UBE2D3: variants seen among roughly 807,000 people sequenced by gnomAD.
UBE2D3 encodes ubiquitin-conjugating enzyme E2 D3.
A neutral mutation model predicts 22.8 loss-of-function variants in UBE2D3; 2 were observed. The ratio of observed to expected loss-of-function variants is 0.09; its 90% CI spans 0.04 to 0.28. The LOEUF (loss-of-function observed/expected upper bound fraction) is 0.28, where lower values mean the gene tolerates loss of function less well. UBE2D3 is among the 10% of genes least tolerant of loss of function. The probability of loss-of-function intolerance (pLI) is 1.00; values close to 1 mark genes in which losing one functional copy is unlikely to be tolerated. For missense variants in UBE2D3, 27 were observed against 182.5 expected, an observed-to-expected ratio of 0.15 and a Z score of 4.91; for synonymous variants, 56 against 60.4, an observed-to-expected ratio of 0.93 and a Z score of 0.34.
chr4:102,794,729 T>C lies in UBE2D3; in HGVS notation c.*2686A>G, dbSNP rs1301613512. ...GAGACCACTAGTTAACTGTGGTTCA[T>C]ACTTTAAAATGTGAGTACACCCACA... On this transcript the variant is annotated 3_prime_UTR_variant, in exon 8 of 8. Coordinates refer to ENST00000453744, the MANE Select transcript of UBE2D3 (RefSeq NM_181891.3). 6.6e-6 allele frequency: 1 copy of C among 151,898 alleles called. No homozygotes were observed. Among genetic ancestry groups the C allele is most frequent in the South Asian group, 2.1e-4 (1 of 4,824 alleles). 9.4% of individuals were successfully genotyped at this position (151,898 alleles called of 1,614,324 possible).
intron 2 of UBE2D3, among the ~76,000 whole-genome samples, chr4:102,821,989 A>G (rs1028210179): frequency 6.6e-6 from 1 of 152,200 alleles, no homozygotes; most frequent in Non-Finnish European, 1.5e-5. Flanking sequence ...TTACGAACCT[A>G]GTTTCTTTTT....
chr4:102,865,420 A>G (rs1224843625), intron 1 of UBE2D3, among the ~76,000 whole-genome samples: 1 of 147,344 alleles, frequency 6.8e-6, no homozygotes, highest in Non-Finnish European at 1.5e-5. Context: ...TGAACCTGGG[A>G]GGCAGAGGTT....
intron 1 of UBE2D3, among the ~76,000 whole-genome samples, chr4:102,861,946 C>G (rs1732920742): frequency 6.6e-6 from 1 of 151,904 alleles, no homozygotes; most frequent in Non-Finnish European, 1.5e-5. Flanking sequence ...CTGACAGGGT[C>G]TCACTCTGTT....
chr4:102,851,037 C>G (rs955720871), intron 1 of UBE2D3, among the ~76,000 whole-genome samples: 16 of 152,196 alleles, frequency 1.1e-4, no homozygotes, highest in African/African-American at 3.9e-4. Flanking sequence ...CACTAAAGAA[C>G]TTATCCATGT....
intron 2 of UBE2D3, among the ~76,000 whole-genome samples, chr4:102,820,929 T>C (rs568108419): frequency 3.9e-5 from 6 of 152,312 alleles, no homozygotes; most frequent in South Asian, 4.1e-4. Context: ...CTATGAAAAG[T>C]TGAAGGTCTC....
At chr4:102,823,445 G>A (rs769824629) in intron 2 of UBE2D3, among the ~76,000 whole-genome samples, 17 of 152,254 alleles carry the variant, frequency 1.1e-4, no homozygotes, top group Non-Finnish European at 1.5e-4. Flanking sequence ...CCTGCTAGCC[G>A]CTTGCTTATA....
chr4:102,862,842 A>G (rs1732963465), intron 1 of UBE2D3, among the ~76,000 whole-genome samples: 1 of 152,156 alleles, frequency 6.6e-6, no homozygotes, highest in Admixed American at 6.5e-5. Context: ...AGGTTGGGTC[A>G]TTTATTTAAA....
intron 1 of UBE2D3, among the ~76,000 whole-genome samples, chr4:102,857,756 C>G (rs1262997466): frequency 6.6e-6 from 1 of 152,102 alleles, no homozygotes; most frequent in Non-Finnish European, 1.5e-5. Context: ...TGCAGTGCTG[C>G]GATCTCAGCT....
intron 1 of UBE2D3, among the ~76,000 whole-genome samples, chr4:102,850,431 A>G (rs1426718276): frequency 1.3e-5 from 2 of 152,258 alleles, no homozygotes; most frequent in South Asian, 4.1e-4. Context: ...CAATTCAAAT[A>G]TTTCTTCCAG....
Position 102,801,440 on chromosome 4 carries a change from C to T in UBE2D3, c.304+14G>A. On this transcript the variant is annotated intron_variant, in intron 6 of 7. Transcript: ENST00000453744. ...TAGACAATGAGAACAGCTTATTTCA[C>T]TAGAAATATTTACCTTTAGAAATTG... The T allele has an allele frequency of 6.3e-7, 1 of 1,581,562 alleles. No individual in the cohort carries two copies. The highest frequency in any genetic ancestry group is 8.7e-7 in the Non-Finnish European group (1 of 1,153,932).
At chr4:102,797,578 C>A in intron 7 of UBE2D3, 118 bp from the exon 8 acceptor site, 1 of 694,246 alleles carries the variant, frequency 1.4e-6, no homozygotes, top group Non-Finnish European at 2.2e-6. Flanking sequence ...TCTCTAATGA[C>A]TATGATTAGA....
At chr4:102,847,699 A>C (rs895353015) in intron 1 of UBE2D3, among the ~76,000 whole-genome samples, 3 of 152,002 alleles carry the variant, frequency 2.0e-5, no homozygotes, top group Non-Finnish European at 4.4e-5. Context: ...GCTGGAGTGC[A>C]GTGGCATGAT....
chr4:102,810,020 T>G (rs74470310), intron 2 of UBE2D3, 165 bp from the exon 3 acceptor site: 6 of 639,496 alleles, frequency 9.4e-6, no homozygotes, highest in Non-Finnish European at 1.6e-5. Context: ...CCTGAACATA[T>G]GCTGAGACAA....
At chr4:102,861,851 C>A (rs547583069) in intron 1 of UBE2D3, among the ~76,000 whole-genome samples, 4 of 151,912 alleles carry the variant, frequency 2.6e-5, no homozygotes, top group Admixed American at 1.3e-4. Flanking sequence ...TATACACTTA[C>A]AGAATTATAG....
At chr4:102,815,259 G>C (rs1029727486) in intron 2 of UBE2D3, among the ~76,000 whole-genome samples, 1 of 152,006 alleles carries the variant, frequency 6.6e-6, no homozygotes, top group Non-Finnish European at 1.5e-5. Flanking sequence ...TGGCCACACT[G>C]GTCTCAAACT....
chr4:102,846,403 T>C (rs1402970466), intron 1 of UBE2D3, among the ~76,000 whole-genome samples: 2 of 152,214 alleles, frequency 1.3e-5, no homozygotes, highest in Non-Finnish European at 2.9e-5. Context: ...CCTACCAAAT[T>C]ATTAATGCCA....
chr4:102,808,090 G>A (rs1298265048), intron 4 of UBE2D3, among the ~76,000 whole-genome samples: 2 of 152,160 alleles, frequency 1.3e-5, no homozygotes, highest in Non-Finnish European at 2.9e-5. Flanking sequence ...TCCAAAATGG[G>A]AAAATTCTAG....
intron 1 of UBE2D3, among the ~76,000 whole-genome samples, chr4:102,841,160 G>T (rs184161252): frequency 6.6e-6 from 1 of 152,246 alleles, no homozygotes. Context: ...GTGGATACAG[G>T]TGGTTTATTT....
intron 2 of UBE2D3, among the ~76,000 whole-genome samples, chr4:102,817,308 C>T (rs1053273162): frequency 4.6e-5 from 7 of 152,096 alleles, no homozygotes; most frequent in African/African-American, 1.2e-4. Context: ...CTGATGGTTT[C>T]GAAATAGAAG....
Sources: allele counts gnomAD v4.1 joint callset (sites outside exome capture counted in the v4.1 genomes callset), GRCh38; gene constraint gnomAD v4.1.1; transcripts MANE v1.5; gene names NCBI Gene and HGNC (gene_info 2026-07-23, HGNC 2026-07-21).